ATXN1: variants seen among roughly 807,000 people sequenced by gnomAD.
ATXN1 encodes ataxin 1.
Under a neutral mutation model 56.4 loss-of-function variants are expected in ATXN1, and 8 were observed. That is an observed-to-expected ratio of 0.14 (90% CI 0.08 to 0.26). The LOEUF is 0.26. ATXN1 is among the 10% of genes least tolerant of loss of function. The probability of loss-of-function intolerance (pLI) is 1.00; values close to 1 mark genes in which losing one functional copy is unlikely to be tolerated. For missense variants in ATXN1, 987 were observed against 1,106.5 expected (o/e 0.89, Z 1.53); for synonymous variants, 514 against 494.6 (o/e 1.04, Z -0.52).
chr6:16,677,245 C>A (rs1369392130), intron 2 of ATXN1, among the ~76,000 whole-genome samples: 1 of 152,142 alleles, frequency 6.6e-6, no homozygotes, highest in Non-Finnish European at 1.5e-5. Flanking sequence ...GAGCTCCCAG[C>A]TGCAACACAG....
chr6:16,641,906 T>G (rs1360936759), intron 3 of ATXN1, among the ~76,000 whole-genome samples: 1 of 152,198 alleles, frequency 6.6e-6, no homozygotes, highest in Non-Finnish European at 1.5e-5. Context: ...TTGGAAGAAG[T>G]TGATTCCAAC....
chr6:16,483,165 T>C (rs1437412197), intron 6 of ATXN1, among the ~76,000 whole-genome samples: 1 of 151,284 alleles, frequency 6.6e-6, no homozygotes, highest in African/African-American at 2.4e-5. Flanking sequence ...GTCTGAAACA[T>C]CTTCAGGGGC....
chr6:16,651,194 C>A (rs1320685568), intron 3 of ATXN1, among the ~76,000 whole-genome samples: 1 of 152,192 alleles, frequency 6.6e-6, no homozygotes, highest in South Asian at 2.1e-4. Context: ...TGCTGAAGGT[C>A]TGCAACAGAA....
At chr6:16,716,488 T>C (rs919333208) in intron 2 of ATXN1, among the ~76,000 whole-genome samples, 5 of 152,202 alleles carry the variant, frequency 3.3e-5, no homozygotes, top group African/African-American at 1.2e-4. Flanking sequence ...GAACCAGCTG[T>C]GTGACTTTGG....
intron 2 of ATXN1, among the ~76,000 whole-genome samples, chr6:16,696,315 T>C (rs866146576): frequency 5.9e-5 from 9 of 152,316 alleles, no homozygotes; most frequent in Middle Eastern, 3.4e-3. Context: ...ACAGAGGCTG[T>C]GGCATCGAGA....
At chr6:16,509,578 T>C (rs1581809711) in intron 5 of ATXN1, among the ~76,000 whole-genome samples, 1 of 152,328 alleles carries the variant, frequency 6.6e-6, no homozygotes, top group East Asian at 1.9e-4. Context: ...TCTCTCTGTA[T>C]CGCATCTAGT....
chr6:16,603,557 C>T (rs1384048058), intron 3 of ATXN1, among the ~76,000 whole-genome samples: 1 of 152,188 alleles, frequency 6.6e-6, no homozygotes, highest in East Asian at 1.9e-4. Flanking sequence ...CAGGCAGGCC[C>T]CCACCATAAA....
intron 6 of ATXN1, among the ~76,000 whole-genome samples, chr6:16,400,063 C>G (rs1425438515): frequency 6.6e-6 from 1 of 152,146 alleles, no homozygotes; most frequent in Non-Finnish European, 1.5e-5. Flanking sequence ...ACTGACAGAA[C>G]CAGAATGTGC....
rs1270363681 is a variant in ATXN1, at chr6:16,690,491, C to T, written c.-614-32590G>A. ...TTCCTCATTCTTCAAAGGTAATTAA[C>T]CTCTTGATGGGCTTACAGCAGAAGC... On this transcript the variant is annotated intron_variant, in intron 2 of 7. Transcript: ENST00000436367. 2.0e-5 allele frequency among the ~76,000 whole-genome samples: 3 copies of T among 152,034 alleles called. No individual in the cohort carries two copies. In the South Asian group the frequency reaches 6.2e-4, roughly 32 times the overall value.
At chr6:16,671,123 TAA>T (rs1299279194) in intron 2 of ATXN1, among the ~76,000 whole-genome samples, 1 of 152,198 alleles carries the variant, frequency 6.6e-6, no homozygotes, top group Non-Finnish European at 1.5e-5. Context: ...TGAAAAATTG[TAA>T]GATGATGCCA....
chr6:16,499,375 T>A (rs1760835939), intron 5 of ATXN1, among the ~76,000 whole-genome samples: 1 of 152,214 alleles, frequency 6.6e-6, no homozygotes, highest in Admixed American at 6.5e-5. Context: ...GGTTACACTA[T>A]GACTGTATTC....
intron 3 of ATXN1, among the ~76,000 whole-genome samples, chr6:16,589,074 C>T (rs532428252): frequency 6.6e-6 from 1 of 152,050 alleles, no homozygotes; most frequent in Admixed American, 6.6e-5. Context: ...TCTTCTGTTC[C>T]CCCCACACAT....
intron 3 of ATXN1, among the ~76,000 whole-genome samples, chr6:16,596,497 A>G (rs901332980): frequency 2.0e-5 from 3 of 152,212 alleles, no homozygotes; most frequent in African/African-American, 4.8e-5. Context: ...CCATTAAAAC[A>G]CAGCCATTCT....
At chr6:16,559,674 T>C (rs1394931832) in intron 4 of ATXN1, among the ~76,000 whole-genome samples, 1 of 152,070 alleles carries the variant, frequency 6.6e-6, no homozygotes, top group Non-Finnish European at 1.5e-5. Context: ...GACACAGAAA[T>C]AAGAGAGATG....
At chr6:16,449,978 T>C (rs1759721908) in intron 6 of ATXN1, among the ~76,000 whole-genome samples, 1 of 152,258 alleles carries the variant, frequency 6.6e-6, no homozygotes, top group African/African-American at 2.4e-5. Context: ...TCTTTCTTCT[T>C]GATTTTATAA....
At chr6:16,518,270 C>T (rs915544265) in intron 5 of ATXN1, among the ~76,000 whole-genome samples, 12 of 152,232 alleles carry the variant, frequency 7.9e-5, no homozygotes, top group Non-Finnish European at 1.8e-4. Context: ...CCTCTGACCT[C>T]TTGCTCCAAC....
intron 6 of ATXN1, among the ~76,000 whole-genome samples, chr6:16,439,967 C>T (rs180854506): frequency 1.3e-5 from 2 of 151,478 alleles, no homozygotes; most frequent in African/African-American, 4.8e-5. Context: ...CCCAGCTACT[C>T]GGGAGGCTGA....
At chr6:16,466,041 G>A (rs1378937393) in intron 6 of ATXN1, among the ~76,000 whole-genome samples, 2 of 152,200 alleles carry the variant, frequency 1.3e-5, no homozygotes, top group Admixed American at 6.5e-5. Context: ...ATGTGGCCAG[G>A]CGCGGTGGCT....
intron 3 of ATXN1, among the ~76,000 whole-genome samples, chr6:16,638,794 C>T (rs1460336713): frequency 6.6e-6 from 1 of 152,188 alleles, no homozygotes; most frequent in African/African-American, 2.4e-5. Context: ...TCAGGAAAAC[C>T]TGTATCCCAC....
Sources: gnomAD v4.1 joint callset for allele counts (sites outside exome capture counted in the v4.1 genomes callset) on GRCh38, gnomAD v4.1.1 for gene constraint, MANE v1.5 for transcripts, NCBI Gene and HGNC (gene_info 2026-07-23, HGNC 2026-07-21) for gene names.